The following XYLT1 variants were observed in gnomAD, a reference collection of about 807,000 sequenced individuals.
XYLT1 encodes the protein xylosyltransferase 1, also known as beta-D-xylosyltransferase 1.
Under a neutral mutation model 91.3 loss-of-function variants are expected in XYLT1, and 36 were observed. That is an observed-to-expected ratio of 0.39 (90% confidence interval 0.30 to 0.52). The LOEUF is 0.52. Ranked by LOEUF, XYLT1 falls within the 20% of genes least tolerant of loss-of-function variation. The pLI, the probability that XYLT1 is intolerant of heterozygous loss-of-function variation, is 0.68. For synonymous variants in XYLT1, 588 were observed against 532.0 expected, an observed-to-expected ratio of 1.11 and a Z score of -1.45; for missense variants, 1,242 against 1,284.5, an observed-to-expected ratio of 0.97 and a Z score of 0.51.
chr16:17,375,958 T>C (rs1034935012), intron 1 of XYLT1, among the ~76,000 whole-genome samples: 4 of 152,272 alleles, frequency 2.6e-5, no homozygotes, highest in African/African-American at 9.6e-5. Flanking sequence ...TGCACCACCA[T>C]TACCATTAGC....
intron 6 of XYLT1, 138 bp from the exon 7 acceptor site, chr16:17,141,507 G>A: frequency 1.2e-6 from 1 of 802,136 alleles, no homozygotes; most frequent in Non-Finnish European, 1.9e-6. Flanking sequence ...CTGCTCCAGG[G>A]CTCTGCGTGG....
At chr16:17,398,908 G>T (rs1406946364) in intron 1 of XYLT1, among the ~76,000 whole-genome samples, 3 of 146,870 alleles carry the variant, frequency 2.0e-5, no homozygotes, top group African/African-American at 7.6e-5. Context: ...GCAGTGGCTC[G>T]ATCTCGGCTC....
chr16:17,402,748 T>C (rs981909430), intron 1 of XYLT1, among the ~76,000 whole-genome samples: 32 of 150,906 alleles, frequency 2.1e-4, no homozygotes, highest in Non-Finnish European at 3.5e-4. Flanking sequence ...CTTTTCTTTT[T>C]TTTTTTTTTT....
intron 2 of XYLT1, among the ~76,000 whole-genome samples, chr16:17,272,036 G>A (rs1022552723): frequency 6.6e-6 from 1 of 152,120 alleles, no homozygotes; most frequent in African/African-American, 2.4e-5. Context: ...GAGGAAAGCG[G>A]GAGAAGTTAG....
chr16:17,144,689 A>G (rs898438929), intron 6 of XYLT1, among the ~76,000 whole-genome samples: 1 of 152,230 alleles, frequency 6.6e-6, no homozygotes, highest in Non-Finnish European at 1.5e-5. Context: ...TAATAAAGAT[A>G]ACATCCACAC....
At chr16:17,316,915 G>C (rs1273744357) in intron 2 of XYLT1, among the ~76,000 whole-genome samples, 1 of 149,878 alleles carries the variant, frequency 6.7e-6, no homozygotes, top group African/African-American at 2.5e-5. Flanking sequence ...TCCGTCACCT[G>C]GGGTTCACGC....
intron 2 of XYLT1, among the ~76,000 whole-genome samples, chr16:17,294,267 G>A (rs375886543): frequency 2.6e-5 from 4 of 152,056 alleles, no homozygotes; most frequent in Non-Finnish European, 4.4e-5. Context: ...TGGGTACCGC[G>A]GACAGGTGGC....
chr16:17,259,687 G>A (rs1160980267), intron 2 of XYLT1, among the ~76,000 whole-genome samples, 189 bp from the exon 3 acceptor site: 1 of 152,178 alleles, frequency 6.6e-6, no homozygotes, highest in African/African-American at 2.4e-5. Context: ...CTGGAAATAG[G>A]AGATGTTCCA....
chr16:17,428,475 T>C (rs2036345929), intron 1 of XYLT1, among the ~76,000 whole-genome samples: 1 of 152,200 alleles, frequency 6.6e-6, no homozygotes, highest in South Asian at 2.1e-4. Flanking sequence ...AATTAAGAGA[T>C]GCACCTGACT....
chr16:17,169,691 T>C (rs763913444), intron 5 of XYLT1, among the ~76,000 whole-genome samples: 18 of 152,096 alleles, frequency 1.2e-4, no homozygotes, highest in Non-Finnish European at 2.6e-4. Context: ...GTGGGGATCG[T>C]GTGTGTGCAC....
chr16:17,266,487 G>A (rs1596456980), intron 2 of XYLT1, among the ~76,000 whole-genome samples: 1 of 152,178 alleles, frequency 6.6e-6, no homozygotes, highest in East Asian at 1.9e-4. Flanking sequence ...AAGGTTCAGG[G>A]AGGTTAAATG....
chr16:17,369,712 C>T (rs2035504027), intron 1 of XYLT1: 2 of 152,222 alleles, frequency 1.3e-5, no homozygotes. Flanking sequence ...CCATCTTCCT[C>T]TAGCTCAACA....
chr16:17,431,510 G>A (rs2036390953), intron 1 of XYLT1, among the ~76,000 whole-genome samples: 1 of 152,304 alleles, frequency 6.6e-6, no homozygotes, highest in East Asian at 1.9e-4. Context: ...ACACAGTATA[G>A]AAAAGTAATT....
At chr16:17,230,703 T>A (rs1231370424) in intron 3 of XYLT1, among the ~76,000 whole-genome samples, 1 of 152,208 alleles carries the variant, frequency 6.6e-6, no homozygotes, top group Non-Finnish European at 1.5e-5. Flanking sequence ...ATCACTTCCC[T>A]TGGCTCCGTG....
chr16:17,257,137 T>C (rs545092755), intron 3 of XYLT1, among the ~76,000 whole-genome samples: 5 of 152,326 alleles, frequency 3.3e-5, no homozygotes, highest in African/African-American at 7.2e-5. Context: ...CTGTGAACCT[T>C]TGGCCACTTT....
intron 1 of XYLT1, among the ~76,000 whole-genome samples, chr16:17,449,277 C>T (rs537362531): frequency 5.9e-5 from 9 of 152,376 alleles, no homozygotes; most frequent in East Asian, 1.9e-4. Flanking sequence ...AAGGCTCTGA[C>T]GACAGTAGCC....
At chr16:17,120,047 G>A (rs971715224) in intron 10 of XYLT1, among the ~76,000 whole-genome samples, 1 of 152,130 alleles carries the variant, frequency 6.6e-6, no homozygotes, top group Non-Finnish European at 1.5e-5. Flanking sequence ...ATGTTCCTGT[G>A]GGGGCTGCCA....
chr16:17,190,164 A>G (rs923780673), intron 5 of XYLT1, among the ~76,000 whole-genome samples: 9 of 152,220 alleles, frequency 5.9e-5, no homozygotes, highest in Admixed American at 2.6e-4. Context: ...CTTAATGGGT[A>G]CAGGGTTTTC....
intron 1 of XYLT1, among the ~76,000 whole-genome samples, chr16:17,452,451 A>C (rs2036679495): frequency 6.6e-6 from 1 of 151,606 alleles, no homozygotes; most frequent in Non-Finnish European, 1.5e-5. Flanking sequence ...TTATTTTTTT[A>C]ATGGACTTTT....
Sources: gnomAD v4.1 joint callset for allele counts (sites outside exome capture counted in the v4.1 genomes callset) on GRCh38, gnomAD v4.1.1 for gene constraint, MANE v1.5 for transcripts, NCBI Gene and HGNC (gene_info 2026-07-23, HGNC 2026-07-21) for gene names.